Variants in SETBP1 observed in about 807,000 individuals in gnomAD.
SETBP1 encodes SET binding protein 1, also known as SET-binding protein.
Under a neutral mutation model 101.0 loss-of-function variants are expected in SETBP1, and 9 were observed. The ratio of observed to expected loss-of-function variants is 0.09; its 90% CI spans 0.05 to 0.16. The LOEUF (loss-of-function observed/expected upper bound fraction) is 0.16. Ranked by LOEUF, SETBP1 falls within the 10% of genes least tolerant of loss-of-function variation. The probability of loss-of-function intolerance (pLI) is 1.00; values close to 1 mark genes in which losing one functional copy is unlikely to be tolerated. For synonymous variants in SETBP1, 818 were observed against 788.5 expected (o/e 1.04, Z -0.63); for missense variants, 1,858 against 2,033.8 (o/e 0.91, Z 1.66).
intron 4 of SETBP1, among the ~76,000 whole-genome samples, chr18:44,984,412 A>G (rs1023417437): frequency 6.6e-6 from 1 of 152,190 alleles, no homozygotes; most frequent in African/African-American, 2.4e-5. Context: ...TGGGCAGTTC[A>G]CAATAGGGTT....
rs1328440741 is a variant in SETBP1 at position 44,952,414 on chromosome 18, C to G, written c.3074C>G (p.Thr1025Ser). Residue 1025 changes from threonine (T) to serine (S), a missense_variant, in exon 4 of 6, where the codon ACC (threonine) becomes AGC (serine). Physicochemically the swap from Thr to Ser is moderately conservative, Grantham distance 58. Around this residue, in one of 12 missense-constraint regions of SETBP1, gnomAD observed 255 missense variants for 300.1 expected, o/e 0.85. Coordinates refer to ENST00000649279, the MANE Select transcript of SETBP1 (RefSeq NM_015559.3). The part of the protein sequence containing the change: ...SKKKRGRPAK[T>S]NDTMTKVPFL... ...AAGAAGCGTGGTAGGCCTGCAAAAA[C>G]CAATGACACCATGACAAAGGTGCCT... 1 of 1,614,046 alleles carries G rather than the reference C, an allele frequency of 6.2e-7. No individual in the cohort carries two copies. The highest frequency in any genetic ancestry group is 8.5e-7 in the Non-Finnish European group (1 of 1,180,050).
chr18:44,693,596 C>T (rs72905594), intron 1 of SETBP1, among the ~76,000 whole-genome samples: 9,352 of 152,104 alleles, frequency 0.061, 362 homozygotes, highest in South Asian at 0.095. Flanking sequence ...CACCAAAATA[C>T]CTTAGAAGAC....
intron 2 of SETBP1, among the ~76,000 whole-genome samples, chr18:44,788,790 ATTTTTTTTTT>A (rs34929410): frequency 1.2e-5 from 1 of 80,434 alleles, no homozygotes; most frequent in African/African-American, 5.3e-5. Context: ...TTCCTTTTTA[ATTTTTTTTTT>A]TTTTTTTTTT....
intron 2 of SETBP1, among the ~76,000 whole-genome samples, chr18:44,860,871 A>G (rs1220744332): frequency 3.3e-5 from 5 of 152,236 alleles, no homozygotes; most frequent in African/African-American, 1.2e-4. Flanking sequence ...CACTCCTAGT[A>G]GGAGACGACT....
At chr18:45,011,708 C>T (rs111611442) in intron 4 of SETBP1, among the ~76,000 whole-genome samples, 6 of 152,188 alleles carry the variant, frequency 3.9e-5, no homozygotes, top group East Asian at 1.9e-4. Flanking sequence ...ACTCCCCAGG[C>T]GTGGCTGCCC....
intron 3 of SETBP1, among the ~76,000 whole-genome samples, chr18:44,910,923 C>T (rs775116412): frequency 1.3e-5 from 2 of 152,150 alleles, no homozygotes; most frequent in Admixed American, 6.5e-5. Context: ...TCTAACTTGC[C>T]ACTCTCTGAA....
intron 4 of SETBP1, chr18:44,987,019 A>C (rs1244423632): frequency 1.3e-5 from 2 of 152,178 alleles, no homozygotes; most frequent in Admixed American, 1.3e-4. Context: ...TACCGTACCT[A>C]GTCCTATGTG....
rs552498109 is a variant in SETBP1 at position 45,034,575 on chromosome 18, G to A, written c.4001-3910G>A. On this transcript the variant is annotated intron_variant, in intron 4 of 5. Coordinates refer to ENST00000649279, the MANE Select transcript of SETBP1 (RefSeq NM_015559.3). ...TCAATAGAGGTCAATAGGTTATAGC[G>A]GAATGTTTTTCCTATAGGTTTAAGT... 4.6e-5 allele frequency among the ~76,000 whole-genome samples: 7 copies of A among 152,170 alleles called. No homozygotes were observed. In the South Asian group the frequency reaches 1.2e-3, roughly 27 times the overall value.
chr18:44,974,399 G>A (rs1028129025), intron 4 of SETBP1, among the ~76,000 whole-genome samples: 1 of 152,210 alleles, frequency 6.6e-6, no homozygotes. Context: ...GGAGGGGAGG[G>A]AGATGAGAGT....
chr18:45,051,786 T>C (rs1243796844), intron 5 of SETBP1, among the ~76,000 whole-genome samples: 6 of 152,210 alleles, frequency 3.9e-5, no homozygotes, highest in Non-Finnish European at 8.8e-5. Context: ...TAGTCCATGT[T>C]TTTGTCATTG....
chr18:44,978,059 T>A (rs2072029421), intron 4 of SETBP1, among the ~76,000 whole-genome samples: 1 of 152,004 alleles, frequency 6.6e-6, no homozygotes, highest in South Asian at 2.1e-4. Flanking sequence ...AGATCCATCC[T>A]CCCACCTCAG....
chr18:44,693,845 T>G (rs1252808862), intron 1 of SETBP1, among the ~76,000 whole-genome samples: 2 of 152,204 alleles, frequency 1.3e-5, no homozygotes, highest in Non-Finnish European at 2.9e-5. Context: ...TATGGGCAGC[T>G]TGAACAAAAC....
chr18:44,842,395 C>T lies in SETBP1; in HGVS notation c.487-26835C>T, dbSNP rs964761856. ...CATTGTTAAATCACAACCAAATTAC[C>T]GTAAATTGTCAAATTTTATTGAAAC... On this transcript the variant is annotated intron_variant, in intron 2 of 5. Transcript: ENST00000649279. 2.6e-5 allele frequency among the ~76,000 whole-genome samples: 4 copies of T among 152,142 alleles called. No homozygotes were observed. In the East Asian group the frequency reaches 5.8e-4, roughly 22 times the overall value.
At chr18:44,698,090 A>G (rs937843700) in intron 1 of SETBP1, among the ~76,000 whole-genome samples, 6 of 152,214 alleles carry the variant, frequency 3.9e-5, no homozygotes, top group African/African-American at 1.4e-4. Context: ...TCAGTATGAA[A>G]AGTCTGGAAT....
intron 2 of SETBP1, among the ~76,000 whole-genome samples, chr18:44,851,279 G>A (rs4890489): frequency 0.35 from 53,688 of 152,068 alleles, 9,921 homozygotes; most frequent in Non-Finnish European, 0.41. Flanking sequence ...TCCTGTAGGA[G>A]GTGAGTCTTC....
At chr18:44,735,105 C>T (rs954343454) in intron 2 of SETBP1, among the ~76,000 whole-genome samples, 6 of 152,184 alleles carry the variant, frequency 3.9e-5, no homozygotes, top group Non-Finnish European at 7.3e-5. Flanking sequence ...AATGATGTTT[C>T]TCAATATTCA....
At chr18:44,925,390 C>T (rs2070683945) in intron 3 of SETBP1, among the ~76,000 whole-genome samples, 1 of 152,106 alleles carries the variant, frequency 6.6e-6, no homozygotes, top group Non-Finnish European at 1.5e-5. Flanking sequence ...GCAGAAAAAC[C>T]AGGCTGGATA....
chr18:44,880,478 T>G (rs1320587463), intron 3 of SETBP1, among the ~76,000 whole-genome samples: 1 of 152,138 alleles, frequency 6.6e-6, no homozygotes, highest in Non-Finnish European at 1.5e-5. Flanking sequence ...GTAAAGAACA[T>G]GGGGTGAGCA....
intron 4 of SETBP1, among the ~76,000 whole-genome samples, chr18:44,984,296 G>A (rs2072181106): frequency 6.6e-6 from 1 of 152,182 alleles, no homozygotes; most frequent in Non-Finnish European, 1.5e-5. Context: ...GCAGGGCAGG[G>A]GAGTGGGGTG....
Sources: allele counts gnomAD v4.1 joint callset (sites outside exome capture counted in the v4.1 genomes callset), GRCh38; gene constraint gnomAD v4.1.1; regional missense constraint gnomAD v4.1.1; transcripts MANE v1.5; gene names NCBI Gene and HGNC (gene_info 2026-07-23, HGNC 2026-07-21).